Variants in AMPH observed in about 807,000 individuals in gnomAD.
AMPH encodes amphiphysin, also known as amphiphysin (Stiff-Mann syndrome with breast cancer 128kD autoantigen).
A neutral mutation model predicts 99.1 loss-of-function variants in AMPH; 49 were observed. The observed-to-expected ratio is 0.49, with a 90% confidence interval of 0.39 to 0.63. The LOEUF (loss-of-function observed/expected upper bound fraction) is 0.63. Among genes scored for constraint, AMPH ranks in the 20% least tolerant of loss-of-function variants. AMPH has a pLI of 0.00. For missense variants in AMPH, 759 were observed against 863.4 expected, an observed-to-expected ratio of 0.88 and a Z score of 1.52; for synonymous variants, 314 against 317.3, an observed-to-expected ratio of 0.99 and a Z score of 0.11.
At chr7:38,413,756 G>A (rs999010021) in intron 17 of AMPH, among the ~76,000 whole-genome samples, 5 of 152,138 alleles carry the variant, frequency 3.3e-5, no homozygotes, top group African/African-American at 1.2e-4. Flanking sequence ...GTAAGCCCTT[G>A]GAGTTGGAAG....
At chr7:38,440,121 G>A (rs1382599969) in intron 11 of AMPH, among the ~76,000 whole-genome samples, 1 of 152,140 alleles carries the variant, frequency 6.6e-6, no homozygotes, top group Non-Finnish European at 1.5e-5. Context: ...TGAAGCACAT[G>A]TGGACCAATC....
At chr7:38,467,299 T>A (rs1437828869) in intron 7 of AMPH, among the ~76,000 whole-genome samples, 1 of 152,150 alleles carries the variant, frequency 6.6e-6, no homozygotes, top group Non-Finnish European at 1.5e-5. Flanking sequence ...CACTTGCACC[T>A]GTATTTGAGG....
chr7:38,401,309 A>G (rs1334116528), intron 17 of AMPH, among the ~76,000 whole-genome samples: 1 of 152,200 alleles, frequency 6.6e-6, no homozygotes, highest in African/African-American at 2.4e-5. Flanking sequence ...ATTATAAGAA[A>G]TTTTTAAAAA....
chr7:38,592,787 G>T (rs564596158), intron 1 of AMPH, among the ~76,000 whole-genome samples: 33 of 151,782 alleles, frequency 2.2e-4, no homozygotes, highest in Non-Finnish European at 4.1e-4. Context: ...TGGTGATCCT[G>T]GGCCAGCTAC....
chr7:38,499,925 G>A (rs1469421501), intron 3 of AMPH, among the ~76,000 whole-genome samples: 2 of 152,174 alleles, frequency 1.3e-5, no homozygotes, highest in African/African-American at 4.8e-5. Flanking sequence ...CTGCTGCCAC[G>A]CAAGACATGC....
intron 7 of AMPH, among the ~76,000 whole-genome samples, chr7:38,467,900 C>G (rs1027741948): frequency 1.3e-5 from 2 of 152,012 alleles, no homozygotes; most frequent in Non-Finnish European, 2.9e-5. Context: ...AAGAAGTGTC[C>G]AATTTAAATA....
chr7:38,451,474 T>C (rs913691849), intron 11 of AMPH, among the ~76,000 whole-genome samples: 5 of 148,548 alleles, frequency 3.4e-5, no homozygotes, highest in African/African-American at 1.2e-4. Context: ...TTATATGGAA[T>C]AGATTTGATT....
chr7:38,472,051 A>G (rs1266055446), intron 7 of AMPH, among the ~76,000 whole-genome samples: 1 of 152,166 alleles, frequency 6.6e-6, no homozygotes, highest in South Asian at 2.1e-4. Context: ...CACTTTCAAC[A>G]AGGCAGAAGA....
At chr7:38,427,165 T>C (rs1290449149) in intron 14 of AMPH, among the ~76,000 whole-genome samples, 179 bp from the exon 15 acceptor site, 1 of 118,274 alleles carries the variant, frequency 8.5e-6, no homozygotes. Context: ...TGATTTTAAA[T>C]AGGCTGACAA....
At position 38,572,146 on chromosome 7, in the gene AMPH, C is replaced by A. The variant is rs375517770; in HGVS notation, c.70-37135G>T. ...TGTCAAACTCCCGACCTCAGGTGAT[C>A]CGCCCACTTCAGCCTCCCAAAGTGC... On this transcript the variant is annotated intron_variant, in intron 1 of 20. Coordinates refer to ENST00000356264, the MANE Select transcript of AMPH (RefSeq NM_001635.4). 5.9e-5 allele frequency among the ~76,000 whole-genome samples: 9 copies of A among 152,224 alleles called. No individual in the cohort carries two copies. In the East Asian group the frequency reaches 1.2e-3, roughly 20 times the overall value.
At chr7:38,452,059 AT>A (rs1033013667) in intron 11 of AMPH, among the ~76,000 whole-genome samples, 2 of 152,188 alleles carry the variant, frequency 1.3e-5, no homozygotes, top group African/African-American at 4.8e-5. Context: ...TCTGTCTTCA[AT>A]CCCAGGACAC....
intron 20 of AMPH, among the ~76,000 whole-genome samples, chr7:38,386,919 G>A (rs1335104617): frequency 2.0e-5 from 3 of 152,188 alleles, no homozygotes; most frequent in Non-Finnish European, 4.4e-5. Flanking sequence ...GGCATTCACA[G>A]CATAGAGTGT....
intron 13 of AMPH, among the ~76,000 whole-genome samples, chr7:38,430,574 G>A (rs182776580): frequency 1.6e-4 from 24 of 152,264 alleles, no homozygotes; most frequent in Admixed American, 8.5e-4. Context: ...CCCTCCCAGC[G>A]AGGGAAGGAA....
At chr7:38,468,325 T>C (rs893253616) in intron 7 of AMPH, among the ~76,000 whole-genome samples, 22 of 152,240 alleles carry the variant, frequency 1.4e-4, no homozygotes, top group African/African-American at 5.3e-4. Context: ...ATTCAAATTT[T>C]TTTATTTCTT....
At chr7:38,619,938 T>C (rs1793996061) in intron 1 of AMPH, among the ~76,000 whole-genome samples, 1 of 152,220 alleles carries the variant, frequency 6.6e-6, no homozygotes, top group African/African-American at 2.4e-5. Flanking sequence ...ATGTCTCATA[T>C]ATTAAAGAAT....
rs765494380 is a variant in AMPH at position 38,437,639 on chromosome 7, A to AAAAAAAG, written c.1018-1252_1018-1251insCTTTTTT. On this transcript the variant is annotated intron_variant, in intron 11 of 20. Transcript: ENST00000356264. ...TACTAAAAATACAAAAAAAAAAAAA[A>AAAAAAAG]AAAAGAAAAGAAAAATTAGTTGGGC... is the stretch of plus-strand genomic sequence containing the variant. Among the ~76,000 whole-genome samples the AAAAAAAG allele has an allele frequency of 4.1e-5, 4 of 96,738 alleles. No homozygotes were observed. In the East Asian group the frequency reaches 1.7e-3, roughly 41 times the overall value. The allele number at this position is 96,738 out of a possible 152,430, so 63.5% of individuals were successfully genotyped here.
At chr7:38,449,294 A>T (rs1786915779) in intron 11 of AMPH, among the ~76,000 whole-genome samples, 1 of 152,204 alleles carries the variant, frequency 6.6e-6, no homozygotes, top group South Asian at 2.1e-4. Context: ...GGTGCTTACA[A>T]TGCTGTCACA....
At chr7:38,572,959 C>T (rs933391836) in intron 1 of AMPH, among the ~76,000 whole-genome samples, 4 of 152,166 alleles carry the variant, frequency 2.6e-5, no homozygotes, top group Admixed American at 6.5e-5. Flanking sequence ...CAGCAAAAAG[C>T]GCCTTACTGT....
chr7:38,571,192 T>C (rs1471186271), intron 1 of AMPH, among the ~76,000 whole-genome samples: 4 of 96,780 alleles, frequency 4.1e-5, no homozygotes, highest in East Asian at 2.8e-4. Flanking sequence ...TGAATATATA[T>C]ATTTATATAT....
Sources: gnomAD v4.1 joint callset for allele counts (sites outside exome capture counted in the v4.1 genomes callset) on GRCh38, gnomAD v4.1.1 for gene constraint, MANE v1.5 for transcripts, NCBI Gene and HGNC (gene_info 2026-07-23, HGNC 2026-07-21) for gene names.